Variants in TOM1L2 observed in about 807,000 individuals in gnomAD.
TOM1L2 encodes TOM1-like protein 2.
TOM1L2 carries 31 observed loss-of-function variants against 67.9 expected under a neutral mutation model. That is an observed-to-expected ratio of 0.46 (90% confidence interval 0.34 to 0.62). The LOEUF (loss-of-function observed/expected upper bound fraction) is 0.62, where lower values mean the gene tolerates loss of function less well. Ranked by LOEUF, TOM1L2 falls within the 20% of genes least tolerant of loss-of-function variation. The pLI is 0.01. For synonymous variants in TOM1L2, 256 were observed against 254.0 expected (o/e 1.01, Z -0.07); for missense variants, 606 against 663.5 (o/e 0.91, Z 0.95).
At chr17:17,964,950 C>T (rs1211687555) in intron 1 of TOM1L2, among the ~76,000 whole-genome samples, 1 of 152,120 alleles carries the variant, frequency 6.6e-6, no homozygotes, top group Non-Finnish European at 1.5e-5. Flanking sequence ...TAAGACCTGT[C>T]CAGGCAATTA....
intron 1 of TOM1L2, among the ~76,000 whole-genome samples, chr17:17,961,568 G>A (rs551089899): frequency 2.8e-4 from 42 of 151,706 alleles, no homozygotes; most frequent in Middle Eastern, 3.4e-3. Context: ...GAAGGAGAAC[G>A]TGTCTCTTAA....
chr17:17,947,059 G>A (rs1047784645), intron 1 of TOM1L2, among the ~76,000 whole-genome samples: 9 of 151,428 alleles, frequency 5.9e-5, no homozygotes, highest in African/African-American at 2.2e-4. Flanking sequence ...AGTGCCTCAG[G>A]GTTAGGAAAG....
At chr17:17,876,061 AT>A (rs903353494) in intron 7 of TOM1L2, among the ~76,000 whole-genome samples, 1 of 152,254 alleles carries the variant, frequency 6.6e-6, no homozygotes, top group African/African-American at 2.4e-5. Context: ...TTTTGGCATC[AT>A]TGTATTAATT....
chr17:17,924,193 T>C (rs1028332794), intron 1 of TOM1L2, among the ~76,000 whole-genome samples: 1 of 151,972 alleles, frequency 6.6e-6, no homozygotes, highest in Non-Finnish European at 1.5e-5. Context: ...TCCATTTATA[T>C]AAAATGTCCA....
chr17:17,947,370 C>T (rs1475655922), intron 1 of TOM1L2, among the ~76,000 whole-genome samples: 1 of 152,182 alleles, frequency 6.6e-6, no homozygotes, highest in Non-Finnish European at 1.5e-5. Context: ...ATTGTGCCAT[C>T]CTCAAGTTCT....
chr17:17,954,284 G>T (rs1362280075), intron 1 of TOM1L2, among the ~76,000 whole-genome samples: 4 of 151,258 alleles, frequency 2.6e-5, no homozygotes. Flanking sequence ...TGAAGGCCTT[G>T]AACACCAGGC....
intron 4 of TOM1L2, among the ~76,000 whole-genome samples, chr17:17,892,360 G>A (rs1045155396): frequency 6.6e-6 from 1 of 152,144 alleles, no homozygotes; most frequent in African/African-American, 2.4e-5. Flanking sequence ...CCAGCCCTAG[G>A]TTTGTCTCTC....
At chr17:17,952,373 TTTC>T (rs1280959542) in intron 1 of TOM1L2, among the ~76,000 whole-genome samples, 21 of 87,142 alleles carry the variant, frequency 2.4e-4, no homozygotes, top group Non-Finnish European at 3.4e-4. Context: ...GCTTCTTTAT[TTTC>T]TTTTTTTTTT....
chr17:17,925,763 G>GA (rs1178239017), intron 1 of TOM1L2, among the ~76,000 whole-genome samples: 6 of 151,002 alleles, frequency 4.0e-5, no homozygotes, highest in Non-Finnish European at 8.8e-5. Flanking sequence ...GCTGAGGTAG[G>GA]AAGATCGCTT....
chr17:17,908,682 A>G (rs1198020391), intron 1 of TOM1L2, among the ~76,000 whole-genome samples: 1 of 152,228 alleles, frequency 6.6e-6, no homozygotes, highest in Non-Finnish European at 1.5e-5. Context: ...AAGTATGTGA[A>G]AAGAGGTTCA....
chr17:17,921,799 T>C (rs894086720), intron 1 of TOM1L2, among the ~76,000 whole-genome samples: 1 of 152,116 alleles, frequency 6.6e-6, no homozygotes, highest in Non-Finnish European at 1.5e-5. Context: ...CTCGGCCTCT[T>C]CGTGCAGTCT....
At chr17:17,916,137 G>A (rs1026056362) in intron 1 of TOM1L2, among the ~76,000 whole-genome samples, 4 of 149,342 alleles carry the variant, frequency 2.7e-5, no homozygotes, top group Admixed American at 2.7e-4. Flanking sequence ...GCAGTGGCGC[G>A]ATCTCAGCTC....
chr17:17,922,359 T>G (rs2039912402), intron 1 of TOM1L2, among the ~76,000 whole-genome samples: 1 of 152,150 alleles, frequency 6.6e-6, no homozygotes, highest in Non-Finnish European at 1.5e-5. Context: ...TCATTTTCTC[T>G]AAGGAGTCTG....
chr17:17,905,271 C>T (rs2039041164), intron 2 of TOM1L2, among the ~76,000 whole-genome samples: 1 of 152,218 alleles, frequency 6.6e-6, no homozygotes, highest in Non-Finnish European at 1.5e-5. Context: ...GTTCCCTGTG[C>T]AGTTCCCTGT....
At chr17:17,962,023 G>A (rs1242190455) in intron 1 of TOM1L2, among the ~76,000 whole-genome samples, 1 of 152,166 alleles carries the variant, frequency 6.6e-6, no homozygotes. Context: ...ACACACAATG[G>A]AATATTATAC....
chr17:17,878,306 C>T (rs1289101191), intron 7 of TOM1L2, among the ~76,000 whole-genome samples: 1 of 152,224 alleles, frequency 6.6e-6, no homozygotes. Flanking sequence ...ACTCAGGACT[C>T]CTCACTGGGG....
chr17:17,951,726 CT>C (rs1399779494), intron 1 of TOM1L2, among the ~76,000 whole-genome samples: 1 of 152,214 alleles, frequency 6.6e-6, no homozygotes, highest in Admixed American at 6.5e-5. Context: ...CATTCTCTAC[CT>C]CTGCATTTCC....
At chr17:17,915,426 C>T (rs1159564909) in intron 1 of TOM1L2, among the ~76,000 whole-genome samples, 2 of 152,188 alleles carry the variant, frequency 1.3e-5, no homozygotes, top group Non-Finnish European at 2.9e-5. Flanking sequence ...CTAATGACTA[C>T]TGATGTTGAG....
Position 17,862,825 on chromosome 17 carries a change from C to T in TOM1L2, c.1108G>A (p.Gly370Ser). 2 of 1,614,138 alleles carry T rather than the reference C, an allele frequency of 1.2e-6. No homozygotes were observed. The highest frequency in any genetic ancestry group is 1.7e-6 in the Non-Finnish European group (2 of 1,180,010). The change falls in exon 11 of 15, where the codon GGC (glycine) becomes AGC (serine). Residue 370 changes from glycine to serine, a missense_variant. Around this residue, in one of 2 missense-constraint regions of TOM1L2, gnomAD observed 543 missense variants for 554.0 expected, o/e 0.98. Coordinates refer to ENST00000379504, the MANE Select transcript of TOM1L2 (RefSeq NM_001082968.2). ...CATTGCTGGAGTGAACTGAGGGTGCCACTGACGCTCTCTGTCCCCAAGTCT... is the reference window on the plus strand; with the variant it reads ...CATTGCTGGAGTGAACTGAGGGTGCTACTGACGCTCTCTGTCCCCAAGTCT... Reference protein sequence around the residue: ...GLDLGTESVSGTLSSLQQCNP... With the variant: ...GLDLGTESVSSTLSSLQQCNP...
Sources: gnomAD v4.1 joint callset for allele counts (sites outside exome capture counted in the v4.1 genomes callset) on GRCh38, gnomAD v4.1.1 for gene constraint, gnomAD v4.1.1 regional missense constraint, MANE v1.5 for transcripts, NCBI Gene and HGNC (gene_info 2026-07-23, HGNC 2026-07-21) for gene names.